Variants in SLIT1 observed in about 807,000 individuals in gnomAD.
SLIT1 encodes slit guidance ligand 1.
Under a neutral mutation model 186.1 loss-of-function variants are expected in SLIT1, and 66 were observed. The observed-to-expected ratio is 0.35, with a 90% confidence interval of 0.29 to 0.44. The LOEUF (loss-of-function observed/expected upper bound fraction) is 0.44. Ranked by LOEUF, SLIT1 falls within the 20% of genes least tolerant of loss-of-function variation. The pLI is 1.00. For missense variants in SLIT1, 1,638 were observed against 2,037.4 expected (o/e 0.80, Z 3.77); for synonymous variants, 761 against 833.8 (o/e 0.91, Z 1.50).
At chr10:97,146,232 G>A (rs544990690) in intron 4 of SLIT1, among the ~76,000 whole-genome samples, 1 of 152,240 alleles carries the variant, frequency 6.6e-6, no homozygotes, top group South Asian at 2.1e-4. Flanking sequence ...TTACTTCTTT[G>A]AGCTCCTCAA....
intron 4 of SLIT1, among the ~76,000 whole-genome samples, chr10:97,128,414 C>G (rs1849623330): frequency 6.6e-6 from 1 of 152,230 alleles, no homozygotes; most frequent in African/African-American, 2.4e-5. Flanking sequence ...TGCTCACACT[C>G]TCCCCAAATC....
intron 26 of SLIT1, among the ~76,000 whole-genome samples, chr10:97,020,838 G>A (rs1463584803): frequency 6.6e-6 from 1 of 152,256 alleles, no homozygotes. Flanking sequence ...TGACACTCCA[G>A]CTCTGTATTT....
At chr10:97,084,227 G>C (rs560250346) in intron 4 of SLIT1, among the ~76,000 whole-genome samples, 1 of 152,310 alleles carries the variant, frequency 6.6e-6, no homozygotes, top group Non-Finnish European at 1.5e-5. Flanking sequence ...TCTAGAAGGG[G>C]TGGAAATTTT....
At chr10:97,128,891 C>T (rs1330401637) in intron 4 of SLIT1, among the ~76,000 whole-genome samples, 1 of 151,810 alleles carries the variant, frequency 6.6e-6, no homozygotes, top group African/African-American at 2.4e-5. Context: ...CCATTCCTTC[C>T]GTGTTCCTTA....
chr10:97,134,680 AT>A (rs1458090253), intron 4 of SLIT1, among the ~76,000 whole-genome samples: 3 of 152,118 alleles, frequency 2.0e-5, no homozygotes, highest in Non-Finnish European at 2.9e-5. Context: ...TCTGGATTTC[AT>A]TCCCCCAGAG....
chr10:97,177,976 CAAAA>C (rs1266541047), intron 1 of SLIT1, among the ~76,000 whole-genome samples: 1 of 151,676 alleles, frequency 6.6e-6, no homozygotes, highest in African/African-American at 2.4e-5. Context: ...AACTCCATCT[CAAAA>C]AAACAAACAA....
At chr10:97,095,704 T>C (rs369027182) in intron 4 of SLIT1, among the ~76,000 whole-genome samples, 1 of 152,188 alleles carries the variant, frequency 6.6e-6, no homozygotes, top group African/African-American at 2.4e-5. Flanking sequence ...CCCAGCTCTA[T>C]GACGGACATC....
In SLIT1 at chr10:97,143,717, A is replaced by G. The variant is rs142095267; in HGVS notation, c.413+14101T>C. On this transcript the variant is annotated intron_variant, in intron 4 of 36. Coordinates refer to ENST00000266058, the MANE Select transcript of SLIT1 (RefSeq NM_003061.3). ...TTTCAGTGGAGCAGAACCGAGTTGCAGATACATCAGGGAATGCTGAAGAGT... is the reference window on the plus strand; with the variant it reads ...TTTCAGTGGAGCAGAACCGAGTTGCGGATACATCAGGGAATGCTGAAGAGT... Among the ~76,000 whole-genome samples, 1,466 of 152,328 alleles carry G rather than the reference A, an allele frequency of 9.6e-3. 12 individuals carry two copies. Among genetic ancestry groups the G allele is most frequent in the Middle Eastern group, 0.034 (10 of 294 alleles).
Position 97,185,782 on chromosome 10 carries a change from C to G in SLIT1, c.-108G>C. The G allele has an allele frequency of 1.0e-6, 1 of 986,786 alleles. No homozygotes were observed. Among genetic ancestry groups the G allele is most frequent in the Non-Finnish European group, 1.4e-6 (1 of 726,096 alleles). The allele number at this position is 986,786 out of a possible 1,614,324, so 61.1% of individuals were successfully genotyped here. ...CCCGGGGCAGAGCCACCGAAGAGCC[C>G]GCGGGCTTGCGCGCGGCGCCCCTGC... On this transcript the variant is annotated 5_prime_UTR_variant, in exon 1 of 37. Transcript: ENST00000266058.
chr10:97,090,625 C>T (rs1189437350), intron 4 of SLIT1, among the ~76,000 whole-genome samples: 1 of 152,172 alleles, frequency 6.6e-6, no homozygotes, highest in African/African-American at 2.4e-5. Flanking sequence ...CAAGAAGCAA[C>T]CCTCTTAACA....
intron 20 of SLIT1, 43 bp from the exon 21 acceptor site, chr10:97,040,163 G>A (rs775447412): frequency 9.3e-6 from 14 of 1,502,754 alleles, no homozygotes; most frequent in Non-Finnish European, 1.2e-5. Context: ...AGGTGGACGG[G>A]CCGCTGTAGG....
At chr10:97,168,148 T>C (rs543797479) in intron 1 of SLIT1, among the ~76,000 whole-genome samples, 14 of 152,362 alleles carry the variant, frequency 9.2e-5, no homozygotes, top group African/African-American at 3.4e-4. Context: ...TTCTTTTTTA[T>C]ACTTTTTTGC....
chr10:97,095,835 G>A (rs1023911930), intron 4 of SLIT1, among the ~76,000 whole-genome samples: 5 of 152,190 alleles, frequency 3.3e-5, no homozygotes, highest in Admixed American at 2.6e-4. Flanking sequence ...TGAAGACACA[G>A]ACGCTATCAT....
intron 4 of SLIT1, among the ~76,000 whole-genome samples, chr10:97,130,958 C>T (rs550150215): frequency 3.9e-5 from 6 of 152,270 alleles, no homozygotes; most frequent in East Asian, 1.9e-4. Context: ...AAAGAGTCCA[C>T]GGTTCCCTGA....
intron 4 of SLIT1, among the ~76,000 whole-genome samples, chr10:97,114,856 C>T (rs532398554): frequency 6.6e-6 from 1 of 152,334 alleles, no homozygotes; most frequent in African/African-American, 2.4e-5. Context: ...TTTCAGTTTT[C>T]TCCTCTATGA....
At chr10:97,151,477 G>A (rs2134713194) in intron 4 of SLIT1, among the ~76,000 whole-genome samples, 1 of 151,888 alleles carries the variant, frequency 6.6e-6, no homozygotes, top group East Asian at 1.9e-4. Flanking sequence ...TGGGTCAGGA[G>A]TAGGGAGAGA....
chr10:97,094,908 C>G (rs1849271176), intron 4 of SLIT1, among the ~76,000 whole-genome samples: 1 of 152,196 alleles, frequency 6.6e-6, no homozygotes, highest in African/African-American at 2.4e-5. Context: ...ATGAGCACAT[C>G]TCAATAAATG....
At chr10:97,035,669 C>A (rs747422513) in intron 22 of SLIT1, among the ~76,000 whole-genome samples, 1 of 152,226 alleles carries the variant, frequency 6.6e-6, no homozygotes, top group South Asian at 2.1e-4. Flanking sequence ...ACAAAGCTGA[C>A]GAAACCCCAC....
chr10:97,085,531 G>A (rs939221496), intron 4 of SLIT1, among the ~76,000 whole-genome samples: 2 of 152,048 alleles, frequency 1.3e-5, no homozygotes, highest in Non-Finnish European at 2.9e-5. Flanking sequence ...GGGATTACAG[G>A]CGCATGCCAC....
Sources: gnomAD v4.1 joint callset for allele counts (sites outside exome capture counted in the v4.1 genomes callset) on GRCh38, gnomAD v4.1.1 for gene constraint, MANE v1.5 for transcripts, NCBI Gene and HGNC (gene_info 2026-07-23, HGNC 2026-07-21) for gene names.